Variants in SLC27A6 observed in about 807,000 individuals in gnomAD.
SLC27A6 encodes solute carrier family 27 member 6, also known as long-chain fatty acid transport protein 6.
SLC27A6 carries 74 observed loss-of-function variants against 63.9 expected under a neutral mutation model. That is an observed-to-expected ratio of 1.16 (90% confidence interval 0.96 to 1.40). The LOEUF (loss-of-function observed/expected upper bound fraction) is 1.40, where lower values mean the gene tolerates loss of function less well. Ranked by LOEUF, SLC27A6 falls within the 40% of genes most tolerant of loss-of-function variation. SLC27A6 has a pLI of 0.00. For synonymous variants in SLC27A6, 287 were observed against 260.8 expected (o/e 1.10, Z -0.97); for missense variants, 794 against 732.9 (o/e 1.08, Z -0.96).
intron 2 of SLC27A6, among the ~76,000 whole-genome samples, chr5:128,985,646 C>T (rs983788965): frequency 1.3e-5 from 2 of 152,160 alleles, no homozygotes; most frequent in Non-Finnish European, 2.9e-5. Context: ...GTGTATGATA[C>T]TTGATACTTG....
intron 5 of SLC27A6, among the ~76,000 whole-genome samples, chr5:129,017,570 G>A (rs1751944764): frequency 6.6e-6 from 1 of 151,966 alleles, no homozygotes; most frequent in African/African-American, 2.4e-5. Flanking sequence ...AAAAATGTTT[G>A]GTGATGAATA....
At chr5:128,968,715 C>A (rs569490606) in intron 1 of SLC27A6, among the ~76,000 whole-genome samples, 36,196 of 151,350 alleles carry the variant, frequency 0.24, 4,881 homozygotes, top group Middle Eastern at 0.33. Context: ...CTATAGGTTG[C>A]CTGTTCACTC....
intron 5 of SLC27A6, among the ~76,000 whole-genome samples, chr5:129,020,406 G>A (rs965510067): frequency 3.3e-5 from 5 of 152,102 alleles, no homozygotes; most frequent in South Asian, 4.1e-4. Flanking sequence ...CAATTCACAC[G>A]TAGAAGATTG....
intron 1 of SLC27A6, among the ~76,000 whole-genome samples, chr5:128,978,807 A>G (rs1750478317): frequency 6.6e-6 from 1 of 152,220 alleles, no homozygotes; most frequent in Admixed American, 6.5e-5. Context: ...TAAAGCCAAT[A>G]ATAGAATGCA....
rs767889007 is a variant in SLC27A6, at chr5:129,029,584, A to C, written c.1560A>C (p.Glu520Asp). The C allele has an allele frequency of 7.6e-6, 12 of 1,568,974 alleles. No individual in the cohort carries two copies. The East Asian group carries it at 2.7e-4, about 36-fold the overall frequency. ...NVYGVAISGY[E>D]GRAGMASIIL... ...TTTCAAACTTTTTTTCAGGTTATGA[A>C]GGAAGAGCAGGAATGGCTTCTATTA... The change falls in exon 9 of 10, where the codon GAA becomes GAC. Residue 520 changes from glutamate (E) to aspartate (D), a missense_variant. Physicochemically the swap from Glu to Asp is conservative, Grantham distance 45. Coordinates refer to ENST00000262462, the MANE Select transcript of SLC27A6 (RefSeq NM_001017372.3).
chr5:129,015,702 T>C (rs543810679), intron 4 of SLC27A6, among the ~76,000 whole-genome samples, 183 bp from the exon 5 acceptor site: 15 of 152,336 alleles, frequency 9.8e-5, no homozygotes, highest in African/African-American at 3.4e-4. Context: ...GTATTATTCT[T>C]GACCAGTGTT....
chr5:129,026,631 C>T (rs2538019), intron 6 of SLC27A6, among the ~76,000 whole-genome samples: 34,055 of 151,928 alleles, frequency 0.22, 3,877 homozygotes, highest in Middle Eastern at 0.28. Flanking sequence ...CTATTTTACC[C>T]CTCTCGGTCC....
intron 1 of SLC27A6, among the ~76,000 whole-genome samples, chr5:128,970,327 A>G (rs1750094647): frequency 2.6e-5 from 4 of 152,304 alleles, no homozygotes; most frequent in Middle Eastern, 3.4e-3. Context: ...TAGTTTCAGA[A>G]GGAATGGTAC....
At chr5:129,020,962 A>T (rs957065402) in intron 5 of SLC27A6, among the ~76,000 whole-genome samples, 1 of 151,848 alleles carries the variant, frequency 6.6e-6, no homozygotes, top group African/African-American at 2.4e-5. Flanking sequence ...ATTGTATAAT[A>T]ATACGCACGA....
At chr5:128,976,554 G>A (rs1442697372) in intron 1 of SLC27A6, among the ~76,000 whole-genome samples, 2 of 151,986 alleles carry the variant, frequency 1.3e-5, no homozygotes, top group Admixed American at 1.3e-4. Context: ...ATCCAAAAGG[G>A]CATTTATTTT....
At chr5:128,986,832 C>T (rs918834568) in intron 2 of SLC27A6, among the ~76,000 whole-genome samples, 2 of 151,938 alleles carry the variant, frequency 1.3e-5, no homozygotes, top group South Asian at 2.1e-4. Flanking sequence ...TGGCAGACAC[C>T]GCAGACCCAA....
At chr5:129,000,073 CAAAG>C (rs1751284362) in intron 4 of SLC27A6, among the ~76,000 whole-genome samples, 2 of 152,002 alleles carry the variant, frequency 1.3e-5, no homozygotes, top group Non-Finnish European at 2.9e-5. Context: ...AGCTGGTGCC[CAAAG>C]AAAGAGCACT....
Position 128,988,734 on chromosome 5 carries a change from G to T in SLC27A6, c.820G>T (p.Gly274Ter). 1 of 1,611,784 alleles carries T rather than the reference G, an allele frequency of 6.2e-7. No individual in the cohort carries two copies. The highest frequency in any genetic ancestry group is 1.3e-5 in the African/African-American group (1 of 74,900). ...GTATCATAGTTCAGCAGCTATCCTG[G>T]GAATTTCTGGATGTGTTGAGTTGGG... ...PLYHSSAAIL[G>*]ISGCVELGAT... The change falls in exon 3 of 10, where the codon GGA (glycine) becomes TGA (stop). Residue 274 changes from glycine to a stop codon, truncating the protein, a stop_gained. Transcript: ENST00000262462. LOFTEE classifies it high-confidence loss of function.
At chr5:128,983,266 A>G (rs111541058) in intron 1 of SLC27A6, among the ~76,000 whole-genome samples, 20 of 151,052 alleles carry the variant, frequency 1.3e-4, no homozygotes, top group African/African-American at 4.4e-4. Context: ...TTTCATGTAC[A>G]GAACTTGAGC....
In SLC27A6 at chr5:129,024,062, T is replaced by C. The variant is rs548910275; in HGVS notation, c.1255+352T>C. Among the ~76,000 whole-genome samples, 362 of 152,216 alleles carry C rather than the reference T, an allele frequency of 2.4e-3. 2 individuals carry two copies. Among genetic ancestry groups the C allele is most frequent in the African/African-American group, 8.4e-3 (348 of 41,554 alleles). On this transcript the variant is annotated intron_variant, in intron 6 of 9. Transcript: ENST00000262462. ...ATCCACAGATGTGAAACCATGGATA[T>C]GGAGGGCCCACTGTGATTATTAGTG...
chr5:129,027,339 A>G lies in SLC27A6; in HGVS notation c.1454+8A>G. 6.3e-7 allele frequency: 1 copy of G among 1,592,204 alleles called. No individual in the cohort carries two copies. The highest frequency in any genetic ancestry group is 8.6e-7 in the Non-Finnish European group (1 of 1,161,718). Reference sequence around the variant, plus strand: ...TACTGGAGACACTTTCAGGTATGAAATGTTATGGGATCCATAGCTTGTTCT... The same window carrying G: ...TACTGGAGACACTTTCAGGTATGAAGTGTTATGGGATCCATAGCTTGTTCT... On this transcript the variant is annotated splice_region_variant and intron_variant, in intron 7 of 9. Transcript: ENST00000262462.
rs538416458 is a variant in SLC27A6, at chr5:128,995,928, A to G, written c.969+5464A>G. 1.6e-3 allele frequency among the ~76,000 whole-genome samples: 244 copies of G among 152,312 alleles called. 1 individual carries two copies. The highest frequency in any genetic ancestry group is 5.6e-3 in the African/African-American group (231 of 41,582). On this transcript the variant is annotated intron_variant, in intron 4 of 9. Transcript: ENST00000262462. ...AAGGATAGGAAGTGAAGGAATGGGT[A>G]GAATCAAGGATAAGTCCCAGGTTTT...
At chr5:129,032,523 A>G (rs1452206533) in intron 9 of SLC27A6, among the ~76,000 whole-genome samples, 1 of 152,056 alleles carries the variant, frequency 6.6e-6, no homozygotes, top group African/African-American at 2.4e-5. Context: ...ACCTTGAGCT[A>G]GTAGTTTGTG....
chr5:129,002,349 G>T (rs4835963), intron 4 of SLC27A6, among the ~76,000 whole-genome samples: 34,995 of 152,142 alleles, frequency 0.23, 5,137 homozygotes, highest in East Asian at 0.7. Context: ...ATGTTTTGAT[G>T]ACTTCCTATT....
Sources: gnomAD v4.1 joint callset for allele counts (sites outside exome capture counted in the v4.1 genomes callset) on GRCh38, gnomAD v4.1.1 for gene constraint, MANE v1.5 for transcripts, NCBI Gene and HGNC (gene_info 2026-07-23, HGNC 2026-07-21) for gene names.